Variants in SENP1 observed in about 807,000 individuals in gnomAD.
SENP1 encodes the protein SUMO specific peptidase 1.
In SENP1, 21 loss-of-function variants were observed where a neutral mutation model predicts 93.0. That is an observed-to-expected ratio of 0.23 (90% confidence interval 0.16 to 0.33). The LOEUF (loss-of-function observed/expected upper bound fraction) is 0.33. Ranked by LOEUF, SENP1 falls within the 10% of genes least tolerant of loss-of-function variation. The pLI, the probability that SENP1 is intolerant of heterozygous loss-of-function variation, is 1.00. For synonymous variants in SENP1, 256 were observed against 259.6 expected (o/e 0.99, Z 0.13); for missense variants, 591 against 758.7 (o/e 0.78, Z 2.60).
rs766448864 is a variant in SENP1, at chr12:48,088,797, G to A, written c.380+4C>T. 6 of 1,607,910 alleles carry A rather than the reference G, an allele frequency of 3.7e-6. No homozygotes were observed. Among genetic ancestry groups the A allele is most frequent in the South Asian group, 1.1e-5 (1 of 89,630 alleles). On this transcript the variant is annotated splice_donor_region_variant and intron_variant, in intron 5 of 17. Coordinates refer to ENST00000549518, the MANE Select transcript of SENP1 (RefSeq NM_001267594.2). ...CTTGAGAACTAAGATGACAAAATAC[G>A]AACCTTGAGGTCTTTCGGGTTTCGA... is the stretch of plus-strand genomic sequence containing the variant.
Position 48,074,362 on chromosome 12 carries a change from T to A in SENP1, c.902A>T (p.Gln301Leu). 1 of 1,613,780 alleles carries A rather than the reference T, an allele frequency of 6.2e-7. No homozygotes were observed. Among genetic ancestry groups the A allele is most frequent in the African/African-American group, 1.3e-5 (1 of 75,048 alleles). The change falls in exon 8 of 18, where the codon CAG becomes CTG. Residue 301 changes from glutamine (Q) to leucine (L), a missense_variant. Physicochemically the swap from Gln to Leu is moderately radical, Grantham distance 113. Coordinates refer to ENST00000549518, the MANE Select transcript of SENP1 (RefSeq NM_001267594.2). ...ATTTGAAGCTGCTAAGTTATCTGGC[T>A]GATGTGGAACAGAGTGGTGATGATG... ...HPHHHHSVPHQPDNLAASNTQ... is the reference protein window; with the variant it reads ...HPHHHHSVPHLPDNLAASNTQ...
intron 1 of SENP1, among the ~76,000 whole-genome samples, chr12:48,102,431 C>CAAAAAA (rs57161608): frequency 2.3e-4 from 11 of 47,434 alleles, no homozygotes; most frequent in South Asian, 2.0e-3. Context: ...GACTCTGTCT[C>CAAAAAA]AAAAAAAAAA....
intron 8 of SENP1, 75 bp downstream of exon 8, chr12:48,074,249 G>T: frequency 8.5e-7 from 1 of 1,175,110 alleles, no homozygotes; most frequent in Non-Finnish European, 1.2e-6. Context: ...ATATTACAAT[G>T]TTGCCTGTAA....
rs1337083226 is a variant in SENP1 at position 48,043,357 on chromosome 12, C to G, written c.*1965G>C. ...ATGGACAAACAATAAATACAGAGAA[C>G]AATCTTGTTCTGAGTCCCCCAGACA... is the stretch of plus-strand genomic sequence containing the variant. On this transcript the variant is annotated 3_prime_UTR_variant, in exon 18 of 18. Transcript: ENST00000549518. 1 of 152,568 alleles carries G rather than the reference C, an allele frequency of 6.6e-6. No individual in the cohort carries two copies. The allele number at this position is 152,568 out of a possible 1,614,324, so 9.5% of individuals were successfully genotyped here.
intron 6 of SENP1, chr12:48,080,444 G>A (rs1310682341): frequency 2.0e-5 from 3 of 152,294 alleles, no homozygotes; most frequent in African/African-American, 4.8e-5. Flanking sequence ...TTGTAAGACT[G>A]AGCAGTGCAG....
At chr12:48,087,349 A>G (rs1944949364) in intron 5 of SENP1, among the ~76,000 whole-genome samples, 2 of 152,176 alleles carry the variant, frequency 1.3e-5, no homozygotes, top group African/African-American at 2.4e-5. Context: ...TTTCTTAACT[A>G]TATTTTCTAA....
At chr12:48,086,281 G>C (rs1404254522) in intron 5 of SENP1, among the ~76,000 whole-genome samples, 1 of 152,164 alleles carries the variant, frequency 6.6e-6, no homozygotes, top group Non-Finnish European at 1.5e-5. Context: ...AATAGCCCCA[G>C]CTAAGGAAAA....
chr12:48,085,239 G>C, intron 5 of SENP1: 1 of 1,551,340 alleles, frequency 6.4e-7, no homozygotes, highest in African/African-American at 1.4e-5. Flanking sequence ...AAACCGGGAT[G>C]ACACTGGCAT....
At chr12:48,049,166 ACT>A in intron 13 of SENP1, 34 bp from the exon 14 acceptor site, 1 of 1,527,170 alleles carries the variant, frequency 6.5e-7, no homozygotes, top group Non-Finnish European at 9.1e-7. Flanking sequence ...TAGAATAGAC[ACT>A]CAGGCCTAGC....
At chr12:48,105,284 G>A in intron 1 of SENP1, 1 of 468,204 alleles carries the variant, frequency 2.1e-6, no homozygotes, top group Admixed American at 2.3e-5. Context: ...CAAGATAGTG[G>A]AAATACTGCA....
chr12:48,047,585 G>A (rs1322745904), intron 15 of SENP1, among the ~76,000 whole-genome samples: 1 of 152,122 alleles, frequency 6.6e-6, no homozygotes, highest in Non-Finnish European at 1.5e-5. Context: ...CCATCAGAGT[G>A]GTACAGTGAG....
intron 3 of SENP1, 145 bp from the exon 4 acceptor site, chr12:48,096,572 C>T: frequency 3.5e-6 from 2 of 571,520 alleles, no homozygotes; most frequent in Non-Finnish European, 6.2e-6. Flanking sequence ...TCTCCTGCCT[C>T]AGCCTCCTGA....
At chr12:48,089,240 C>T in intron 4 of SENP1, 5 of 1,431,142 alleles carry the variant, frequency 3.5e-6, no homozygotes, top group Non-Finnish European at 4.7e-6. Context: ...TGGTGTCCAC[C>T]AAAAGTCAAC....
rs2136700875 is a variant in SENP1 at position 48,043,260 on chromosome 12, T to C, written c.*2062A>G. The C allele has an allele frequency of 6.5e-6, 1 of 152,806 alleles. No individual in the cohort carries two copies. Among genetic ancestry groups the C allele is most frequent in the East Asian group, 1.9e-4 (1 of 5,194 alleles). 9.5% of individuals were successfully genotyped at this position (152,806 alleles called of 1,614,324 possible). On this transcript the variant is annotated 3_prime_UTR_variant, in exon 18 of 18. Coordinates refer to ENST00000549518, the MANE Select transcript of SENP1 (RefSeq NM_001267594.2). ...TTGTTGCATGTTTCATTTTCTGCTA[T>C]ACATGGCAATAAATATTTGTTGCTT... is the stretch of plus-strand genomic sequence containing the variant.
intron 13 of SENP1, chr12:48,054,685 G>T (rs1401246247): frequency 6.6e-6 from 1 of 152,244 alleles, no homozygotes; most frequent in African/African-American, 2.4e-5. Context: ...AGCTACTCGG[G>T]GGGCTGGGGC....
At chr12:48,093,293 T>G (rs1426943987) in intron 4 of SENP1, among the ~76,000 whole-genome samples, 1 of 150,826 alleles carries the variant, frequency 6.6e-6, no homozygotes, top group Admixed American at 6.6e-5. Context: ...TTTTTTTTTT[T>G]TTTTTTTGGA....
chr12:48,105,411 A>T (rs748572752), intron 1 of SENP1: 1 of 519,066 alleles, frequency 1.9e-6, no homozygotes, highest in Admixed American at 1.9e-5. Flanking sequence ...CCAGGAGGCG[A>T]TGAGCCAGGT....
rs567287476 is a variant in SENP1 at position 48,104,809 on chromosome 12, T to C, written c.-45+1219A>G. Among the ~76,000 whole-genome samples the C allele has an allele frequency of 2.6e-5, 4 of 152,328 alleles. No individual in the cohort carries two copies. In the South Asian group the frequency reaches 8.3e-4, roughly 32 times the overall value. ...TGTTTTTGTACCCATCCACTCCCTC[T>C]AGACAACTCATTAGATGAGTGACAT... On this transcript the variant is annotated intron_variant, in intron 1 of 17. Coordinates refer to ENST00000549518, the MANE Select transcript of SENP1 (RefSeq NM_001267594.2).
At chr12:48,049,923 T>C (rs533732294) in intron 13 of SENP1, among the ~76,000 whole-genome samples, 17 of 152,318 alleles carry the variant, frequency 1.1e-4, no homozygotes, top group Middle Eastern at 3.4e-3. Flanking sequence ...GTTGATTCCA[T>C]TTATGCCTTC....
Sources: gnomAD v4.1 joint callset for allele counts (sites outside exome capture counted in the v4.1 genomes callset) on GRCh38, gnomAD v4.1.1 for gene constraint, MANE v1.5 for transcripts, NCBI Gene and HGNC (gene_info 2026-07-23, HGNC 2026-07-21) for gene names.